FAM131C: variants seen among roughly 807,000 people sequenced by gnomAD.
FAM131C encodes the protein family with sequence similarity 131 member C, also known as protein FAM131C.
In FAM131C, 14 loss-of-function variants were observed where a neutral mutation model predicts 29.8. That is an observed-to-expected ratio of 0.47 (90% CI 0.31 to 0.73). The LOEUF is 0.73. Among genes scored for constraint, FAM131C ranks in the 30% least tolerant of loss-of-function variants. FAM131C has a pLI of 0.05. For synonymous variants in FAM131C, 86 were observed against 157.8 expected, an observed-to-expected ratio of 0.54 and a Z score of 3.41; for missense variants, 252 against 383.8, an observed-to-expected ratio of 0.66 and a Z score of 2.87.
chr1:16,062,394 C>CCCCCCCCCCCCG, intron 3 of FAM131C, 105 bp downstream of exon 3: 2 of 1,172,024 alleles, frequency 1.7e-6, no homozygotes, highest in African/African-American at 1.8e-5. Flanking sequence ...CCCCCCCCCC[C>CCCCCCCCCCCCG]GCCCCAGGGC....
At chr1:16,059,284 G>A (rs534562120) in intron 6 of FAM131C, among the ~76,000 whole-genome samples, 32 of 151,054 alleles carry the variant, frequency 2.1e-4, no homozygotes, top group African/African-American at 4.8e-4. Context: ...CTCGATTCCC[G>A]CCCCCACTGT....
intron 3 of FAM131C, 127 bp from the exon 4 acceptor site, chr1:16,062,319 G>A (rs911314122): frequency 5.5e-6 from 8 of 1,465,644 alleles, no homozygotes; most frequent in Middle Eastern, 2.5e-4. Flanking sequence ...GGACAGGGCA[G>A]CTAAAGCCAG....
chr1:16,062,289 G>A, intron 3 of FAM131C, 97 bp from the exon 4 acceptor site: 25 of 1,504,354 alleles, frequency 1.7e-5, no homozygotes, highest in Non-Finnish European at 2.1e-5. Context: ...AGCTCACCAG[G>A]TCCTCTGGCC....
intron 1 of FAM131C, among the ~76,000 whole-genome samples, chr1:16,072,996 C>T (rs1443184119): frequency 6.7e-6 from 1 of 148,636 alleles, no homozygotes; most frequent in African/African-American, 2.5e-5. Context: ...TGGGAAGGGG[C>T]TGTGGGGGTG....
At chr1:16,060,201 G>A (rs139381674) in intron 4 of FAM131C, 150 bp from the exon 5 acceptor site, 12,506 of 531,842 alleles carry the variant, frequency 0.024, 870 homozygotes, top group Admixed American at 0.028. Context: ...CTCCCCAGGG[G>A]CCTGTACCCA....
At chr1:16,073,247 G>A (rs2023776055) in intron 1 of FAM131C, among the ~76,000 whole-genome samples, 174 bp downstream of exon 1, 1 of 152,034 alleles carries the variant, frequency 6.6e-6, no homozygotes. Context: ...TCTCTGCGCT[G>A]CCCCCGCCCC....
chr1:16,073,325 C>T (rs1394286554), intron 1 of FAM131C, 96 bp downstream of exon 1: 13 of 653,764 alleles, frequency 2.0e-5, no homozygotes, highest in Non-Finnish European at 8.5e-6. Context: ...CCGTGAAGGG[C>T]GGGTCGCCAG....
Position 16,061,982 on chromosome 1 carries a change from G to A in FAM131C, c.268+117C>T, listed in dbSNP as rs1327852743. ...TGGACTCTGGCATTTAGAACATGGA[G>A]AATCCAATAGGGCTGCCATCCTCCC... On this transcript the variant is annotated intron_variant, in intron 4 of 6. Coordinates refer to ENST00000375662, the MANE Select transcript of FAM131C (RefSeq NM_182623.3). 3 of 926,222 alleles carry A rather than the reference G, an allele frequency of 3.2e-6. No individual in the cohort carries two copies. The African/African-American group carries it at 4.6e-5, about 14-fold the overall frequency. The allele number at this position is 926,222 out of a possible 1,614,324, so 57.4% of individuals were successfully genotyped here.
At chr1:16,061,655 G>A (rs897260542) in intron 4 of FAM131C, among the ~76,000 whole-genome samples, 1 of 152,152 alleles carries the variant, frequency 6.6e-6, no homozygotes, top group African/African-American at 2.4e-5. Flanking sequence ...GGACCAGGTG[G>A]GCAGGGCTAG....
chr1:16,064,011 C>T (rs750121733), intron 1 of FAM131C, among the ~76,000 whole-genome samples: 1 of 152,134 alleles, frequency 6.6e-6, no homozygotes, highest in Non-Finnish European at 1.5e-5. Context: ...CTCTCTCTCA[C>T]AGACGCCCTT....
chr1:16,071,574 C>A (rs2023749981), intron 1 of FAM131C, among the ~76,000 whole-genome samples: 1 of 152,226 alleles, frequency 6.6e-6, no homozygotes, highest in South Asian at 2.1e-4. Flanking sequence ...TTCACCTCAA[C>A]CCAACTTTCC....
intron 1 of FAM131C, among the ~76,000 whole-genome samples, chr1:16,064,651 TCTC>T (rs1466487287): frequency 2.6e-5 from 4 of 152,156 alleles, no homozygotes; most frequent in Admixed American, 6.5e-5. Context: ...AACCCAAGCA[TCTC>T]CTGTCTTCTC....
At chr1:16,071,318 A>C (rs2023746884) in intron 1 of FAM131C, among the ~76,000 whole-genome samples, 2 of 152,314 alleles carry the variant, frequency 1.3e-5, no homozygotes, top group South Asian at 4.1e-4. Context: ...ATCTTGGCTT[A>C]TACTATCCTA....
intron 6 of FAM131C, among the ~76,000 whole-genome samples, chr1:16,058,959 A>G (rs945407): frequency 7.3e-4 from 107 of 146,952 alleles, no homozygotes; most frequent in East Asian, 1.4e-3. Context: ...AACTGGGACA[A>G]CCAGTGCTCC....
intron 1 of FAM131C, among the ~76,000 whole-genome samples, chr1:16,069,830 C>T (rs1316338183): frequency 1.3e-5 from 2 of 152,224 alleles, no homozygotes; most frequent in African/African-American, 4.8e-5. Context: ...GGAGTAATCA[C>T]AGCTCACTGC....
chr1:16,063,728 G>T, intron 1 of FAM131C, 92 bp from the exon 2 acceptor site: 1 of 788,408 alleles, frequency 1.3e-6, no homozygotes. Context: ...GGTGAGTATG[G>T]CCTTGTTTTT....
intron 1 of FAM131C, among the ~76,000 whole-genome samples, chr1:16,067,345 C>CA (rs2124133243): frequency 6.6e-6 from 1 of 152,308 alleles, no homozygotes; most frequent in African/African-American, 2.4e-5. Context: ...TGGAAAAACA[C>CA]AGAGTGTCAT....
intron 1 of FAM131C, among the ~76,000 whole-genome samples, chr1:16,064,732 G>C (rs2023653597): frequency 1.3e-5 from 2 of 152,142 alleles, no homozygotes; most frequent in Non-Finnish European, 2.9e-5. Context: ...CGCTGGACGT[G>C]CAGAGAGCTG....
Position 16,066,269 on chromosome 1 carries a change from G to A in FAM131C, c.23-2633C>T, listed in dbSNP as rs553111377. Among the ~76,000 whole-genome samples the A allele has an allele frequency of 2.6e-5, 4 of 152,320 alleles. No individual in the cohort carries two copies. The East Asian group carries it at 5.8e-4, about 22-fold the overall frequency. ...GTTTCTGGGATCCACCCAAAGGTAA[G>A]CAGGTGGGCTAGTCAAGGAGGCTGG... On this transcript the variant is annotated intron_variant, in intron 1 of 6. Coordinates refer to ENST00000375662, the MANE Select transcript of FAM131C (RefSeq NM_182623.3).
Sources: allele counts gnomAD v4.1 joint callset (sites outside exome capture counted in the v4.1 genomes callset), GRCh38; gene constraint gnomAD v4.1.1; transcripts MANE v1.5; gene names NCBI Gene and HGNC (gene_info 2026-07-23, HGNC 2026-07-21).